EPB41L3: variants seen among roughly 807,000 people sequenced by gnomAD.
EPB41L3 encodes erythrocyte membrane protein band 4.1 like 3.
In EPB41L3, 57 loss-of-function variants were observed where a neutral mutation model predicts 127.1. That is an observed-to-expected ratio of 0.45 (90% CI 0.36 to 0.56). EPB41L3 has a LOEUF of 0.56. EPB41L3 is among the 20% of genes least tolerant of loss of function. The probability of loss-of-function intolerance (pLI) is 0.00; values close to 1 mark genes in which losing one functional copy is unlikely to be tolerated. For synonymous variants in EPB41L3, 572 were observed against 549.5 expected (o/e 1.04, Z -0.57); for missense variants, 1,273 against 1,372.2 (o/e 0.93, Z 1.14).
intron 1 of EPB41L3, among the ~76,000 whole-genome samples, chr18:5,491,475 C>T (rs1448167501): frequency 2.0e-5 from 3 of 152,208 alleles, no homozygotes; most frequent in African/African-American, 7.2e-5. Flanking sequence ...CCAGGACCAT[C>T]ACCAAAGCAG....
intron 1 of EPB41L3, among the ~76,000 whole-genome samples, chr18:5,520,778 C>T (rs968656010): frequency 3.3e-5 from 5 of 152,192 alleles, no homozygotes; most frequent in African/African-American, 1.2e-4. Flanking sequence ...TTAGGCAGGC[C>T]TCTGGTCACC....
rs79949290 is a variant in EPB41L3 at position 5,551,235 on chromosome 18, C to T, written c.-306+61105G>A. 2.5e-3 allele frequency among the ~76,000 whole-genome samples: 386 copies of T among 152,258 alleles called. 2 individuals are homozygous for T. The highest frequency in any genetic ancestry group is 9.0e-3 in the African/African-American group (374 of 41,552). ...GAGTACATGCCATCCTCCTGAATGC[C>T]ATTATAGCTTGATGAACAGAGCACC... On this transcript the variant is annotated intron_variant, in intron 3 of 21. Transcript: ENST00000545076.
chr18:5,625,508 A>G (rs9965462), intron 1 of EPB41L3, among the ~76,000 whole-genome samples: 3,446 of 152,320 alleles, frequency 0.023, 129 homozygotes, highest in African/African-American at 0.079. Context: ...TATGAAATTG[A>G]TGAATGAAAT....
intron 3 of EPB41L3, among the ~76,000 whole-genome samples, chr18:5,552,143 C>G (rs991675805): frequency 7.2e-5 from 11 of 152,236 alleles, no homozygotes; most frequent in African/African-American, 2.7e-4. Flanking sequence ...TGTGCCCATT[C>G]TCTACGAAGT....
intron 3 of EPB41L3, among the ~76,000 whole-genome samples, chr18:5,611,938 G>A (rs1339647644): frequency 3.9e-5 from 6 of 152,140 alleles, no homozygotes; most frequent in Non-Finnish European, 7.4e-5. Flanking sequence ...CTGCCTGGGT[G>A]ACAAAGAAAA....
intron 3 of EPB41L3, among the ~76,000 whole-genome samples, chr18:5,468,659 T>TGC (rs1250317815): frequency 1.3e-5 from 2 of 152,170 alleles, no homozygotes; most frequent in Non-Finnish European, 2.9e-5. Context: ...ATAACCTGCC[T>TGC]GTGAAAAGAG....
chr18:5,440,285 C>T (rs748782577), intron 5 of EPB41L3, among the ~76,000 whole-genome samples: 15 of 152,096 alleles, frequency 9.9e-5, no homozygotes, highest in Non-Finnish European at 2.2e-4. Context: ...ACAAAAAACA[C>T]ATCTTTCAGG....
chr18:5,500,592 G>C (rs987621282), intron 1 of EPB41L3, among the ~76,000 whole-genome samples: 6 of 152,198 alleles, frequency 3.9e-5, no homozygotes, highest in Admixed American at 1.3e-4. Flanking sequence ...CCACGATTCA[G>C]GTTTCGCTTT....
At chr18:5,568,975 G>C (rs1349101074) in intron 3 of EPB41L3, among the ~76,000 whole-genome samples, 1 of 152,212 alleles carries the variant, frequency 6.6e-6, no homozygotes, top group Non-Finnish European at 1.5e-5. Flanking sequence ...TGCTGGTTAT[G>C]CAGTCTCTAA....
Position 5,398,211 on chromosome 18 carries a change from A to G in EPB41L3, c.2350-68T>C, listed in dbSNP as rs920878119. The G allele has an allele frequency of 1.1e-4, 170 of 1,582,948 alleles. 1 individual carries two copies. The highest frequency in any genetic ancestry group is 1.7e-4 in the Middle Eastern group (1 of 5,944). On this transcript the variant is annotated intron_variant, in intron 16 of 22. Transcript: ENST00000341928. ...CACAAACTCAGGCACATAAACATTC[A>G]CAGCTTGTTAGACAAAATCGTAGGC...
chr18:5,407,661 T>G (rs775458413), intron 15 of EPB41L3, 40 bp downstream of exon 15: 12 of 1,599,056 alleles, frequency 7.5e-6, no homozygotes, highest in Non-Finnish European at 1.0e-5. Flanking sequence ...ACACTGTTGT[T>G]TTGTTGTTGT....
At chr18:5,428,824 T>A (rs559930958) in intron 8 of EPB41L3, among the ~76,000 whole-genome samples, 9 of 152,298 alleles carry the variant, frequency 5.9e-5, no homozygotes, top group East Asian at 1.9e-4. Context: ...TATTAACTCT[T>A]TTAATATTCA....
chr18:5,593,143 T>A (rs1012138061), intron 3 of EPB41L3, among the ~76,000 whole-genome samples: 3 of 152,160 alleles, frequency 2.0e-5, no homozygotes, highest in Non-Finnish European at 2.9e-5. Flanking sequence ...CTTTTACTGT[T>A]CTTTTTTAGC....
intron 1 of EPB41L3, among the ~76,000 whole-genome samples, chr18:5,500,799 C>T (rs979914803): frequency 6.6e-6 from 1 of 152,160 alleles, no homozygotes; most frequent in Non-Finnish European, 1.5e-5. Context: ...CAGTACAGTA[C>T]AGTACTTATT....
intron 1 of EPB41L3, chr18:5,489,468 A>G (rs1460974300): frequency 2.5e-6 from 1 of 395,016 alleles, no homozygotes; most frequent in Non-Finnish European, 4.4e-6. Context: ...GCCACAACGG[A>G]TTGTTAAATG....
chr18:5,608,641 G>A (rs1382986922), intron 3 of EPB41L3, among the ~76,000 whole-genome samples: 2 of 152,142 alleles, frequency 1.3e-5, no homozygotes, highest in African/African-American at 2.4e-5. Flanking sequence ...TCAATTTAAA[G>A]GGGGTAGGCT....
chr18:5,430,657 G>C (rs2078880859), intron 8 of EPB41L3, among the ~76,000 whole-genome samples: 1 of 151,400 alleles, frequency 6.6e-6, no homozygotes, highest in African/African-American at 2.4e-5. Flanking sequence ...CCACCTCCAG[G>C]GGCTCAAGCA....
chr18:5,628,742 C>T, intron 1 of EPB41L3, among the ~76,000 whole-genome samples: 1 of 152,096 alleles, frequency 6.6e-6, no homozygotes, highest in African/African-American at 2.4e-5. Context: ...GTGGTTGCTG[C>T]TCCCGAATCC....
intron 1 of EPB41L3, among the ~76,000 whole-genome samples, chr18:5,624,924 G>A (rs1162868344): frequency 6.6e-6 from 1 of 152,166 alleles, no homozygotes; most frequent in Non-Finnish European, 1.5e-5. Flanking sequence ...GGGAGGTGGT[G>A]TTTGAGTGCA....
Sources: gnomAD v4.1 joint callset for allele counts (sites outside exome capture counted in the v4.1 genomes callset) on GRCh38, gnomAD v4.1.1 for gene constraint, MANE v1.5 for transcripts, NCBI Gene and HGNC (gene_info 2026-07-23, HGNC 2026-07-21) for gene names.